Variants in APBA1 observed in about 807,000 individuals in gnomAD.
APBA1 encodes amyloid-beta A4 precursor protein-binding family A member 1.
A neutral mutation model predicts 86.6 loss-of-function variants in APBA1; 55 were observed. That is an observed-to-expected ratio of 0.64 (90% CI 0.51 to 0.80). The LOEUF is 0.80. Among genes scored for constraint, APBA1 ranks in the 30% least tolerant of loss-of-function variants. The pLI, the probability that APBA1 is intolerant of heterozygous loss-of-function variation, is 0.00. For missense variants in APBA1, 1,090 were observed against 1,183.0 expected (o/e 0.92, Z 1.15); for synonymous variants, 511 against 493.9 (o/e 1.03, Z -0.46).
intron 5 of APBA1, chr9:69,465,236 T>C (rs1258634460): frequency 6.6e-6 from 1 of 152,040 alleles, no homozygotes; most frequent in Non-Finnish European, 1.5e-5. Flanking sequence ...TCCAAACACA[T>C]CTTATGAAGG....
intron 10 of APBA1, among the ~76,000 whole-genome samples, chr9:69,448,233 T>C (rs1834944711): frequency 6.6e-6 from 1 of 152,258 alleles, no homozygotes; most frequent in Non-Finnish European, 1.5e-5. Context: ...ACTTGTAGCC[T>C]CTCACCTTTA....
At chr9:69,614,622 T>C (rs1400859634) in intron 1 of APBA1, among the ~76,000 whole-genome samples, 1 of 152,190 alleles carries the variant, frequency 6.6e-6, no homozygotes, top group Non-Finnish European at 1.5e-5. Context: ...CATCCACCAT[T>C]ATGATACTTT....
intron 2 of APBA1, among the ~76,000 whole-genome samples, chr9:69,484,964 G>GT (rs1179443134): frequency 1.3e-5 from 2 of 151,360 alleles, no homozygotes; most frequent in African/African-American, 2.4e-5. Flanking sequence ...TCAACATGCA[G>GT]TTTTTTTAAA....
chr9:69,664,768 A>C (rs1247268877), intron 1 of APBA1, among the ~76,000 whole-genome samples: 1 of 152,234 alleles, frequency 6.6e-6, no homozygotes, highest in East Asian at 1.9e-4. Flanking sequence ...CCTATAACAG[A>C]GCGTATCTTA....
At chr9:69,630,577 C>T (rs1411861116) in intron 1 of APBA1, among the ~76,000 whole-genome samples, 2 of 152,144 alleles carry the variant, frequency 1.3e-5, no homozygotes, top group Admixed American at 6.5e-5. Context: ...AATTGGATCA[C>T]TCCCCAACAC....
intron 1 of APBA1, among the ~76,000 whole-genome samples, chr9:69,616,012 C>T (rs1027083516): frequency 6.6e-6 from 1 of 152,162 alleles, no homozygotes; most frequent in African/African-American, 2.4e-5. Context: ...AATAATGAGA[C>T]TCTTTCCCCC....
At chr9:69,591,251 T>C (rs1202078990) in intron 1 of APBA1, among the ~76,000 whole-genome samples, 2 of 152,218 alleles carry the variant, frequency 1.3e-5, no homozygotes, top group Non-Finnish European at 2.9e-5. Flanking sequence ...TTTAGTTCTC[T>C]GTCTTTTCTG....
intron 1 of APBA1, among the ~76,000 whole-genome samples, chr9:69,637,447 C>T (rs1281685430): frequency 6.6e-6 from 1 of 152,124 alleles, no homozygotes; most frequent in African/African-American, 2.4e-5. Flanking sequence ...GTAATTATGA[C>T]TCATTGTATG....
chr9:69,632,815 C>T (rs1220645182), intron 1 of APBA1, among the ~76,000 whole-genome samples: 2 of 152,158 alleles, frequency 1.3e-5, no homozygotes, highest in African/African-American at 4.8e-5. Context: ...CTCTCTGGAT[C>T]TACTGCCTCT....
In APBA1 at chr9:69,516,006, C is replaced by A; in HGVS notation, c.1200+5G>T. 6.4e-7 allele frequency: 1 copy of A among 1,552,536 alleles called. No homozygotes were observed. The highest frequency in any genetic ancestry group is 8.7e-7 in the Non-Finnish European group (1 of 1,143,440). The stretch of plus-strand genomic sequence containing the variant: ...CCGAGGAAGCCCAAACCCGCACCTA[C>A]TTACATCTCCGTCCATCGGCCTCTG... On this transcript the variant is annotated splice_donor_5th_base_variant and intron_variant, in intron 2 of 12. Coordinates refer to ENST00000265381, the MANE Select transcript of APBA1 (RefSeq NM_001163.4). This position sits in a 1 kb window ranked among gnomAD's most constrained non-coding sequence, Gnocchi z 7.3.
intron 1 of APBA1, among the ~76,000 whole-genome samples, chr9:69,533,749 C>G (rs1836466749): frequency 6.6e-6 from 1 of 152,204 alleles, no homozygotes; most frequent in Admixed American, 6.5e-5. Flanking sequence ...TCAATACTAT[C>G]AGTTCACTGA....
intron 2 of APBA1, among the ~76,000 whole-genome samples, chr9:69,491,379 C>A (rs1486940582): frequency 2.6e-5 from 4 of 151,918 alleles, no homozygotes; most frequent in African/African-American, 4.8e-5. Flanking sequence ...ACCGCATGTT[C>A]TCACTCATAG....
intron 1 of APBA1, among the ~76,000 whole-genome samples, chr9:69,618,871 C>T (rs963764453): frequency 1.3e-5 from 2 of 152,194 alleles, no homozygotes; most frequent in Non-Finnish European, 2.9e-5. Context: ...CGTAACCCTG[C>T]CCCCTACTAG....
chr9:69,489,454 T>TA (rs1835666627), intron 2 of APBA1, among the ~76,000 whole-genome samples: 1 of 152,104 alleles, frequency 6.6e-6, no homozygotes, highest in Non-Finnish European at 1.5e-5. Flanking sequence ...ATCCCTTTCT[T>TA]ACACCTTATA....
intron 1 of APBA1, among the ~76,000 whole-genome samples, chr9:69,630,066 A>T (rs954793313): frequency 2.0e-3 from 8 of 4,072 alleles, no homozygotes; most frequent in South Asian, 0.1. Context: ...TGCTATATTA[A>T]AAAAAAAAAG....
intron 1 of APBA1, among the ~76,000 whole-genome samples, chr9:69,658,324 T>TTCTCTCTCTCTC (rs1823676683): frequency 7.8e-6 from 1 of 128,804 alleles, no homozygotes; most frequent in African/African-American, 3.1e-5. Flanking sequence ...CTTTCTTTCT[T>TTCTCTCTCTCTC]TCTTTCTTTC....
chr9:69,625,560 T>C (rs1822911975), intron 1 of APBA1, among the ~76,000 whole-genome samples: 1 of 152,112 alleles, frequency 6.6e-6, no homozygotes, highest in African/African-American at 2.4e-5. Context: ...GGTTGCCTGA[T>C]TAATGTTCAA....
intron 2 of APBA1, among the ~76,000 whole-genome samples, chr9:69,506,202 T>C (rs1835960623): frequency 6.6e-6 from 1 of 151,710 alleles, no homozygotes; most frequent in African/African-American, 2.4e-5. Flanking sequence ...CGCAGGTCAG[T>C]GGGTGCGCGC....
intron 1 of APBA1, among the ~76,000 whole-genome samples, chr9:69,641,542 T>TA (rs1434925150): frequency 7.2e-5 from 11 of 152,112 alleles, no homozygotes; most frequent in Admixed American, 5.2e-4. Flanking sequence ...TAACACAGGA[T>TA]AGACATATAA....
Sources: gnomAD v4.1 joint callset for allele counts (sites outside exome capture counted in the v4.1 genomes callset) on GRCh38, gnomAD v4.1.1 for gene constraint, Gnocchi (gnomAD v3.1) non-coding constraint, MANE v1.5 for transcripts, NCBI Gene and HGNC (gene_info 2026-07-23, HGNC 2026-07-21) for gene names.